Variants in AGBL1 observed in about 807,000 individuals in gnomAD.
AGBL1 encodes the protein cytosolic carboxypeptidase 4.
A neutral mutation model predicts 118.9 loss-of-function variants in AGBL1; 130 were observed. The ratio of observed to expected loss-of-function variants is 1.09; its 90% CI spans 0.95 to 1.26. The LOEUF (loss-of-function observed/expected upper bound fraction) is 1.26. AGBL1 is among the 50% of genes most tolerant of loss of function. The probability of loss-of-function intolerance (pLI) is 0.00; values close to 1 mark genes in which losing one functional copy is unlikely to be tolerated. For missense variants in AGBL1, 1,584 were observed against 1,298.1 expected, an observed-to-expected ratio of 1.22 and a Z score of -3.38; for synonymous variants, 555 against 478.9, an observed-to-expected ratio of 1.16 and a Z score of -2.08.
intron 22 of AGBL1, among the ~76,000 whole-genome samples, chr15:86,879,345 G>A (rs4530102): frequency 0.23 from 35,107 of 152,052 alleles, 4,820 homozygotes; most frequent in Non-Finnish European, 0.31. Flanking sequence ...GCTGCTCAGG[G>A]GATGTTGGGC....
intron 5 of AGBL1, among the ~76,000 whole-genome samples, chr15:86,205,748 T>G (rs2077980867): frequency 6.6e-6 from 1 of 152,246 alleles, no homozygotes. Context: ...TCTGTATGTC[T>G]TCTTGATAAG....
rs1266741366 is a variant in AGBL1, at chr15:86,613,787, GA to G, written c.2994+59251del. ...AGCTTGTTAGAAATGCAGAATTTCAGACCCCATCCCAGACCTACTGAATTAG... is the reference window on the plus strand; with the variant it reads ...AGCTTGTTAGAAATGCAGAATTTCAGCCCCATCCCAGACCTACTGAATTAG... On this transcript the variant is annotated intron_variant, in intron 21 of 22. Coordinates refer to ENST00000614907, the MANE Select transcript of AGBL1 (RefSeq NM_001386094.1). The surrounding 1 kb of genome is among the most constrained non-coding windows in gnomAD (Gnocchi z 4.2). Among the ~76,000 whole-genome samples the G allele has an allele frequency of 6.6e-6, 1 of 152,174 alleles. No homozygotes were observed. Among genetic ancestry groups the G allele is most frequent in the Non-Finnish European group, 1.5e-5 (1 of 68,034 alleles).
chr15:86,290,561 A>G (rs1352740741), intron 16 of AGBL1, among the ~76,000 whole-genome samples: 1 of 151,888 alleles, frequency 6.6e-6, no homozygotes, highest in Admixed American at 6.6e-5. Context: ...CATGTAGCCC[A>G]GGCTGGTCTT....
At chr15:86,549,017 G>A (rs1009023856) in intron 20 of AGBL1, among the ~76,000 whole-genome samples, 1 of 151,982 alleles carries the variant, frequency 6.6e-6, no homozygotes, top group Non-Finnish European at 1.5e-5. Flanking sequence ...TAGATCTCAT[G>A]AGAATTCACT....
intron 22 of AGBL1, among the ~76,000 whole-genome samples, chr15:86,882,868 A>G (rs1038350579): frequency 6.6e-6 from 1 of 152,230 alleles, no homozygotes; most frequent in African/African-American, 2.4e-5. Flanking sequence ...TTTTCTTTTT[A>G]AAAACATATT....
At chr15:86,694,192 A>G (rs2198308) in intron 22 of AGBL1, among the ~76,000 whole-genome samples, 82,124 of 151,782 alleles carry the variant, frequency 0.54, 22,827 homozygotes, top group Non-Finnish European at 0.6. Flanking sequence ...TGGCAATATG[A>G]TCATTTTCAC....
intron 21 of AGBL1, among the ~76,000 whole-genome samples, chr15:86,618,494 G>A (rs1238964172): frequency 6.6e-6 from 1 of 152,134 alleles, no homozygotes. Context: ...AGATCTCTGG[G>A]CTCTAGCTCC....
intron 17 of AGBL1, 112 bp from the exon 18 acceptor site, chr15:86,397,254 T>C: frequency 6.5e-6 from 5 of 765,896 alleles, no homozygotes; most frequent in Non-Finnish European, 9.4e-6. Flanking sequence ...CAATGGAAAA[T>C]GTATTTTTAA....
chr15:86,750,665 G>T (rs946836626), intron 22 of AGBL1, among the ~76,000 whole-genome samples: 2 of 151,696 alleles, frequency 1.3e-5, no homozygotes, highest in Non-Finnish European at 2.9e-5. Flanking sequence ...TAAACTTCAG[G>T]GGTACAAGTG....
intron 5 of AGBL1, among the ~76,000 whole-genome samples, chr15:86,179,231 C>A (rs1414464159): frequency 6.6e-6 from 1 of 152,136 alleles, no homozygotes; most frequent in East Asian, 1.9e-4. Context: ...TATAGAAAGG[C>A]CATTTTCTTT....
intron 24 of AGBL1, among the ~76,000 whole-genome samples, chr15:87,025,158 G>A (rs1166423039): frequency 1.3e-5 from 2 of 151,874 alleles, no homozygotes; most frequent in Non-Finnish European, 2.9e-5. Context: ...AGAAATAAAG[G>A]GCATCCAAAT....
intron 1 of AGBL1, chr15:86,083,451 A>G (rs986468561): frequency 6.6e-6 from 1 of 152,160 alleles, no homozygotes; most frequent in African/African-American, 2.4e-5. Context: ...TTCCATTTGT[A>G]CTTTATTATT....
At chr15:86,335,314 A>G (rs1358487503) in intron 17 of AGBL1, among the ~76,000 whole-genome samples, 1 of 151,750 alleles carries the variant, frequency 6.6e-6, no homozygotes, top group Non-Finnish European at 1.5e-5. Flanking sequence ...AATTTTTTGT[A>G]TTTTTAGTAG....
Position 86,476,869 on chromosome 15 carries a change from A to G in AGBL1, c.2556-45941A>G, listed in dbSNP as rs1331452557. Reference sequence around the variant, plus strand: ...CAGCAAAAGTAAAAGAACAGAAATTATAACAAAGTGTCTCTCAGACCACAG... The same window carrying G: ...CAGCAAAAGTAAAAGAACAGAAATTGTAACAAAGTGTCTCTCAGACCACAG... On this transcript the variant is annotated intron_variant, in intron 18 of 22. Coordinates refer to ENST00000614907, the MANE Select transcript of AGBL1 (RefSeq NM_001386094.1). Among the ~76,000 whole-genome samples, 3 of 152,254 alleles carry G rather than the reference A, an allele frequency of 2.0e-5. No individual in the cohort carries two copies. In the East Asian group the frequency reaches 5.8e-4, roughly 29 times the overall value.
At chr15:86,670,430 C>A (rs1477887849) in intron 21 of AGBL1, among the ~76,000 whole-genome samples, 1 of 151,804 alleles carries the variant, frequency 6.6e-6, no homozygotes, top group Non-Finnish European at 1.5e-5. Context: ...GTGGTGAAAC[C>A]CTGTCTCTAC....
chr15:86,931,088 G>A (rs1207473808), intron 23 of AGBL1, among the ~76,000 whole-genome samples: 1 of 152,152 alleles, frequency 6.6e-6, no homozygotes, highest in Non-Finnish European at 1.5e-5. Context: ...CCTGGAAGGA[G>A]TCATCCTCAT....
intron 22 of AGBL1, among the ~76,000 whole-genome samples, chr15:86,699,169 A>T (rs1024268819): frequency 6.6e-6 from 1 of 151,780 alleles, no homozygotes; most frequent in African/African-American, 2.4e-5. Flanking sequence ...TTTCAAAAAA[A>T]TTTTGTATAT....
chr15:86,270,269 C>T (rs1361455206), intron 14 of AGBL1, among the ~76,000 whole-genome samples: 4 of 152,138 alleles, frequency 2.6e-5, no homozygotes, highest in Non-Finnish European at 4.4e-5. Flanking sequence ...CCTCACTCTG[C>T]CACACATTGA....
chr15:86,089,091 A>AT (rs1256563415), intron 1 of AGBL1, among the ~76,000 whole-genome samples: 1 of 152,206 alleles, frequency 6.6e-6, no homozygotes, highest in African/African-American at 2.4e-5. Flanking sequence ...GGAAATAAAA[A>AT]TTTTTTTGGC....
Sources: gnomAD v4.1 joint callset for allele counts (sites outside exome capture counted in the v4.1 genomes callset) on GRCh38, gnomAD v4.1.1 for gene constraint, Gnocchi (gnomAD v3.1) non-coding constraint, MANE v1.5 for transcripts, NCBI Gene and HGNC (gene_info 2026-07-23, HGNC 2026-07-21) for gene names.